The following TBC1D30 variants were observed in gnomAD, a reference collection of about 807,000 sequenced individuals.
TBC1D30 encodes the protein TBC1 domain family, member 30.
TBC1D30 carries 31 observed loss-of-function variants against 63.2 expected under a neutral mutation model. The observed-to-expected ratio is 0.49, with a 90% CI of 0.37 to 0.66. The LOEUF (loss-of-function observed/expected upper bound fraction) is 0.66, where lower values mean the gene tolerates loss of function less well. TBC1D30 is among the 30% of genes least tolerant of loss of function. TBC1D30 has a pLI of 0.00. For missense variants in TBC1D30, 810 were observed against 953.6 expected (o/e 0.85, Z 1.98); for synonymous variants, 307 against 361.5 (o/e 0.85, Z 1.71).
intron 1 of TBC1D30, among the ~76,000 whole-genome samples, chr12:64,764,109 A>C (rs1870620304): frequency 6.6e-6 from 1 of 152,224 alleles, no homozygotes; most frequent in Non-Finnish European, 1.5e-5. Flanking sequence ...AAAATTGCTC[A>C]TAGGTTTTCC....
At chr12:64,807,196 T>A (rs572823221) in intron 2 of TBC1D30, among the ~76,000 whole-genome samples, 6 of 152,198 alleles carry the variant, frequency 3.9e-5, no homozygotes, top group Non-Finnish European at 7.4e-5. Context: ...CAAGATCCGA[T>A]GGCTTTACAA....
At position 64,875,243 on chromosome 12, in the gene TBC1D30, A is replaced by G; in HGVS notation, c.1741A>G (p.Ser581Gly). 3.3e-6 allele frequency: 5 copies of G among 1,536,328 alleles called. No individual in the cohort carries two copies. Among genetic ancestry groups the G allele is most frequent in the Non-Finnish European group, 4.4e-6 (5 of 1,146,916 alleles). Residue 581 changes from serine to glycine, a missense_variant, in exon 12 of 12, where the codon AGT (serine) becomes GGT (glycine). By Grantham distance (56) the Ser-to-Gly change is moderately conservative. This residue lies in a region of TBC1D30 where 450 missense variants were observed against 473.0 expected (regional missense o/e 0.95). Coordinates refer to ENST00000539867, the MANE Select transcript of TBC1D30 (RefSeq NM_015279.2). ...VHKKNMPRTK[S>G]HPGCGDTVGL... ...CAAAAAGAACATGCCAAGGACCAAG[A>G]GTCATCCGGGCTGTGGGGACACCGT...
At chr12:64,831,970 A>G (rs1220144034) in intron 4 of TBC1D30, 149 bp from the exon 5 acceptor site, 4 of 609,042 alleles carry the variant, frequency 6.6e-6, no homozygotes, top group East Asian at 5.9e-5. Context: ...CTAAAAATGC[A>G]TTTTGGCTCA....
chr12:64,782,784 C>T (rs529806738), intron 1 of TBC1D30, among the ~76,000 whole-genome samples: 2 of 152,166 alleles, frequency 1.3e-5, no homozygotes, highest in African/African-American at 2.4e-5. Context: ...TTTGCCTGTT[C>T]GGTCTTATTG....
At chr12:64,850,080 T>A (rs1357860686) in intron 8 of TBC1D30, among the ~76,000 whole-genome samples, 1 of 152,226 alleles carries the variant, frequency 6.6e-6, no homozygotes, top group Non-Finnish European at 1.5e-5. Context: ...GTTTGTCTGT[T>A]ACTGGTGTAG....
chr12:64,843,577 T>A, intron 8 of TBC1D30, 92 bp downstream of exon 8: 1 of 898,072 alleles, frequency 1.1e-6, no homozygotes, highest in Non-Finnish European at 1.7e-6. Flanking sequence ...GAAATGTGCT[T>A]GGTTAGCTGT....
chr12:64,798,381 C>A (rs1469064534), intron 2 of TBC1D30, among the ~76,000 whole-genome samples: 7 of 152,152 alleles, frequency 4.6e-5, no homozygotes, highest in Non-Finnish European at 1.0e-4. Flanking sequence ...ATATAATCAG[C>A]TAACAAATGG....
chr12:64,817,325 T>C (rs989965805), intron 2 of TBC1D30, among the ~76,000 whole-genome samples: 1 of 152,222 alleles, frequency 6.6e-6, no homozygotes, highest in African/African-American at 2.4e-5. Flanking sequence ...CATTTAATTC[T>C]CACCGTAACT....
At chr12:64,825,264 T>C in intron 1 of TBC1D30, 2 of 480,338 alleles carry the variant, frequency 4.2e-6, no homozygotes, top group Non-Finnish European at 7.0e-6. Context: ...AACCCGCTGC[T>C]TCCACCCTCT....
chr12:64,829,177 A>G (rs1184005625), intron 3 of TBC1D30, among the ~76,000 whole-genome samples: 1 of 152,118 alleles, frequency 6.6e-6, no homozygotes, highest in Non-Finnish European at 1.5e-5. Context: ...AGCACTGGGA[A>G]GTTTTGAGCA....
chr12:64,794,374 T>A (rs75509144), intron 2 of TBC1D30, among the ~76,000 whole-genome samples: 4,105 of 152,254 alleles, frequency 0.027, 184 homozygotes, highest in African/African-American at 0.089. Flanking sequence ...CTTTTTCTTT[T>A]TTCTTTTTCC....
chr12:64,837,163 G>C (rs908975337), intron 6 of TBC1D30, among the ~76,000 whole-genome samples: 17 of 152,058 alleles, frequency 1.1e-4, no homozygotes, highest in African/African-American at 4.1e-4. Context: ...CTGGCTGTGC[G>C]TACAGAATAG....
intron 11 of TBC1D30, among the ~76,000 whole-genome samples, chr12:64,873,866 C>G (rs1352260281): frequency 1.3e-5 from 2 of 151,930 alleles, no homozygotes; most frequent in Non-Finnish European, 2.9e-5. Flanking sequence ...TGGTAAATGA[C>G]AACAGTAGAG....
intron 8 of TBC1D30, among the ~76,000 whole-genome samples, chr12:64,845,674 C>T (rs1038806494): frequency 2.0e-5 from 3 of 150,236 alleles, no homozygotes; most frequent in African/African-American, 2.5e-5. Flanking sequence ...TGCAGTGAGC[C>T]GAGATCGTGC....
chr12:64,840,614 G>A (rs1229654323), intron 7 of TBC1D30, among the ~76,000 whole-genome samples: 1 of 152,184 alleles, frequency 6.6e-6, no homozygotes, highest in Admixed American at 6.5e-5. Flanking sequence ...AGTACGCACT[G>A]TTGTCATCTC....
chr12:64,826,826 T>C (rs1874397603), intron 1 of TBC1D30, among the ~76,000 whole-genome samples: 1 of 152,184 alleles, frequency 6.6e-6, no homozygotes, highest in Non-Finnish European at 1.5e-5. Flanking sequence ...ACAGCGCTCT[T>C]CCAGGGTTCC....
At chr12:64,849,372 T>G (rs1210449348) in intron 8 of TBC1D30, among the ~76,000 whole-genome samples, 2 of 152,236 alleles carry the variant, frequency 1.3e-5, no homozygotes, top group Non-Finnish European at 2.9e-5. Flanking sequence ...ATGAATGGTA[T>G]CACCTAGGTT....
chr12:64,843,934 G>A (rs1876126460), intron 8 of TBC1D30, among the ~76,000 whole-genome samples: 1 of 152,128 alleles, frequency 6.6e-6, no homozygotes, highest in South Asian at 2.1e-4. Flanking sequence ...TGGGACTACA[G>A]GCGTATGCCA....
At chr12:64,768,015 A>G (rs1035107446) in intron 1 of TBC1D30, among the ~76,000 whole-genome samples, 5 of 152,188 alleles carry the variant, frequency 3.3e-5, no homozygotes, top group African/African-American at 1.2e-4. Flanking sequence ...TGACCAGCCC[A>G]TATATGAAAG....
Sources: allele counts gnomAD v4.1 joint callset (sites outside exome capture counted in the v4.1 genomes callset), GRCh38; gene constraint gnomAD v4.1.1; regional missense constraint gnomAD v4.1.1; transcripts MANE v1.5; gene names NCBI Gene and HGNC (gene_info 2026-07-23, HGNC 2026-07-21).